The following ADAMTSL1 variants were observed in gnomAD, a reference collection of about 807,000 sequenced individuals.
The protein encoded by ADAMTSL1 is ADAMTS like 1.
ADAMTSL1 carries 126 observed loss-of-function variants against 201.8 expected under a neutral mutation model. The observed-to-expected ratio is 0.62, with a 90% CI of 0.54 to 0.72. The LOEUF (loss-of-function observed/expected upper bound fraction) is 0.72. ADAMTSL1 is among the 30% of genes least tolerant of loss of function. The probability of loss-of-function intolerance (pLI) is 0.00; values close to 1 mark genes in which losing one functional copy is unlikely to be tolerated. For missense variants in ADAMTSL1, 2,679 were observed against 2,277.8 expected (o/e 1.18, Z -3.59); for synonymous variants, 1,121 against 903.4 (o/e 1.24, Z -4.32).
intron 1 of ADAMTSL1, among the ~76,000 whole-genome samples, chr9:18,159,275 C>G (rs1202709163): frequency 6.6e-6 from 1 of 152,016 alleles, no homozygotes; most frequent in Non-Finnish European, 1.5e-5. Context: ...TGGTTTTCAG[C>G]ACTACTCTTC....
chr9:18,675,132 G>A (rs1830062928), intron 9 of ADAMTSL1, among the ~76,000 whole-genome samples: 1 of 152,136 alleles, frequency 6.6e-6, no homozygotes, highest in South Asian at 2.1e-4. Context: ...AACAAGCCAT[G>A]ACAATCACAA....
chr9:18,015,829 C>T (rs371926893), intron 1 of ADAMTSL1, among the ~76,000 whole-genome samples: 1 of 151,946 alleles, frequency 6.6e-6, no homozygotes, highest in Non-Finnish European at 1.5e-5. Flanking sequence ...TAAGAGAGGA[C>T]CTGAACCCAG....
intron 2 of ADAMTSL1, among the ~76,000 whole-genome samples, chr9:18,172,587 T>C (rs1318473998): frequency 6.6e-6 from 1 of 152,056 alleles, no homozygotes; most frequent in Non-Finnish European, 1.5e-5. Flanking sequence ...GTCTATAAGG[T>C]TGAATATATT....
At chr9:18,698,918 A>C (rs1271022656) in intron 13 of ADAMTSL1, among the ~76,000 whole-genome samples, 1 of 152,010 alleles carries the variant, frequency 6.6e-6, no homozygotes, top group Non-Finnish European at 1.5e-5. Context: ...CGTTAGTAAG[A>C]CTCCTTATAA....
At chr9:18,440,410 C>T (rs2791455) in intron 2 of ADAMTSL1, among the ~76,000 whole-genome samples, 39,538 of 151,056 alleles carry the variant, frequency 0.26, 5,922 homozygotes, top group Non-Finnish European at 0.34. Flanking sequence ...TATCTTAAAA[C>T]GTAAAAGTTT....
Position 18,653,072 on chromosome 9 carries a change from A to T in ADAMTSL1, c.835-4567A>T, listed in dbSNP as rs930027866. Among the ~76,000 whole-genome samples, 53 of 152,360 alleles carry T rather than the reference A, an allele frequency of 3.5e-4. 1 individual carries two copies. The highest frequency in any genetic ancestry group is 3.1e-3 in the Admixed American group (48 of 15,306). ...GCCAATATGCCCCTTTTGCTGATAG[A>T]TGCCAAGCGTTTAGAACTGAGCTAA... On this transcript the variant is annotated intron_variant, in intron 7 of 28. Transcript: ENST00000380548.
chr9:18,112,012 C>G (rs867548458), intron 1 of ADAMTSL1, among the ~76,000 whole-genome samples: 10 of 152,154 alleles, frequency 6.6e-5, no homozygotes, highest in African/African-American at 2.4e-4. Flanking sequence ...GCCCCTTTAG[C>G]TTTCAGTGTT....
chr9:18,564,031 A>G (rs1210642830), intron 3 of ADAMTSL1, among the ~76,000 whole-genome samples: 2 of 152,088 alleles, frequency 1.3e-5, no homozygotes, highest in Non-Finnish European at 2.9e-5. Context: ...TGTTTCTGTC[A>G]TGCTGATATT....
At chr9:18,446,434 C>T (rs185352634) in intron 2 of ADAMTSL1, among the ~76,000 whole-genome samples, 3 of 152,266 alleles carry the variant, frequency 2.0e-5, no homozygotes, top group Non-Finnish European at 1.5e-5. Context: ...CAAAAATAAG[C>T]AAGTATGGGT....
intron 1 of ADAMTSL1, among the ~76,000 whole-genome samples, chr9:18,501,008 A>T (rs570470240): frequency 6.6e-6 from 1 of 152,334 alleles, no homozygotes; most frequent in South Asian, 2.1e-4. Context: ...TATTACATTT[A>T]TCTGACGAAA....
chr9:17,948,022 G>A (rs1489118251), intron 1 of ADAMTSL1, among the ~76,000 whole-genome samples: 1 of 152,084 alleles, frequency 6.6e-6, no homozygotes, highest in African/African-American at 2.4e-5. Context: ...TGGCTCCAGT[G>A]GTGGGTGGTA....
chr9:18,262,530 A>G (rs1587421250), intron 2 of ADAMTSL1, among the ~76,000 whole-genome samples: 2 of 152,332 alleles, frequency 1.3e-5, no homozygotes, highest in East Asian at 3.9e-4. Context: ...AGCTTCTTCT[A>G]TTCTTGAGGG....
chr9:18,906,548 A>G (rs1830321619), intron 27 of ADAMTSL1, 144 bp from the exon 28 acceptor site: 1 of 676,938 alleles, frequency 1.5e-6, no homozygotes, highest in South Asian at 1.9e-5. Flanking sequence ...TAGTAACAGC[A>G]CAGAAATCAG....
chr9:18,499,992 C>T (rs528368586), intron 1 of ADAMTSL1, among the ~76,000 whole-genome samples: 1 of 152,148 alleles, frequency 6.6e-6, no homozygotes, highest in Non-Finnish European at 1.5e-5. Context: ...TAACTCTAGT[C>T]TTTTATTGCT....
intron 23 of ADAMTSL1, among the ~76,000 whole-genome samples, chr9:18,883,184 T>C (rs182158966): frequency 1.5e-3 from 236 of 152,270 alleles, no homozygotes; most frequent in Non-Finnish European, 2.3e-3. Context: ...CCAAACTTGG[T>C]GACTTAAAAC....
At chr9:18,206,053 CAAAAAAAAAAAAAAAAAAA>C (rs71333031) in intron 2 of ADAMTSL1, among the ~76,000 whole-genome samples, 4,764 of 54,678 alleles carry the variant, frequency 0.087, 212 homozygotes, top group Non-Finnish European at 0.11. Flanking sequence ...GACTCCATCT[CAAAAAAAAAAAAAAAAAAA>C]AAAAAAAAAA....
intron 15 of ADAMTSL1, among the ~76,000 whole-genome samples, chr9:18,747,243 T>C (rs953598021): frequency 3.9e-5 from 6 of 152,194 alleles, no homozygotes; most frequent in African/African-American, 1.4e-4. Flanking sequence ...TTACCTAACC[T>C]CTCAGAGTCT....
At chr9:18,479,154 G>T (rs559815218) in intron 1 of ADAMTSL1, among the ~76,000 whole-genome samples, 2 of 152,184 alleles carry the variant, frequency 1.3e-5, no homozygotes, top group East Asian at 1.9e-4. Context: ...CCCAATTCCC[G>T]AACTTCAAGA....
chr9:18,288,241 T>C (rs1166907196), intron 2 of ADAMTSL1, among the ~76,000 whole-genome samples: 1 of 151,980 alleles, frequency 6.6e-6, no homozygotes, highest in African/African-American at 2.4e-5. Flanking sequence ...AAGACAGTTA[T>C]CCAATGAGAA....
Sources: allele counts gnomAD v4.1 joint callset (sites outside exome capture counted in the v4.1 genomes callset), GRCh38; gene constraint gnomAD v4.1.1; transcripts MANE v1.5; gene names NCBI Gene and HGNC (gene_info 2026-07-23, HGNC 2026-07-21).